COLGALT2: variants seen among roughly 807,000 people sequenced by gnomAD.
COLGALT2 encodes the protein collagen beta(1-O)galactosyltransferase 2, also known as procollagen galactosyltransferase 2.
COLGALT2 carries 49 observed loss-of-function variants against 73.4 expected under a neutral mutation model. The ratio of observed to expected loss-of-function variants is 0.67; its 90% CI spans 0.53 to 0.85. The LOEUF (loss-of-function observed/expected upper bound fraction) is 0.85. COLGALT2 is among the 40% of genes least tolerant of loss of function. The pLI is 0.00. For synonymous variants in COLGALT2, 295 were observed against 307.6 expected, an observed-to-expected ratio of 0.96 and a Z score of 0.43; for missense variants, 722 against 790.2, an observed-to-expected ratio of 0.91 and a Z score of 1.03.
At chr1:183,959,650 C>A (rs1670643755) in intron 6 of COLGALT2, among the ~76,000 whole-genome samples, 1 of 151,990 alleles carries the variant, frequency 6.6e-6, no homozygotes, top group African/African-American at 2.4e-5. Context: ...TGGTCCCCTA[C>A]AATCTAGTAT....
intron 11 of COLGALT2, among the ~76,000 whole-genome samples, chr1:183,930,574 T>C (rs36093268): frequency 0.23 from 30,976 of 135,926 alleles, 2,273 homozygotes; most frequent in Non-Finnish European, 0.26. Context: ...TTTTTCTTTT[T>C]TTTTTTTTTT....
In COLGALT2 at chr1:183,969,361, G is replaced by A; in HGVS notation, c.740C>T (p.Ala247Val). The change falls in exon 5 of 12, where the codon GCC becomes GTC. Residue 247 changes from alanine (A) to valine (V), a missense_variant. Physicochemically the swap from Ala to Val is moderately conservative, Grantham distance 64. Transcript: ENST00000361927. ...STFLIDLRKE[A>V]SDKLTFYPPH... is the part of the protein sequence containing the mutation. ...GGGGTAGAAAGTCAGCTTGTCCGAGGCCTCCTTCCTGAGGTCAATTAGGAA... is the reference window on the plus strand; with the variant it reads ...GGGGTAGAAAGTCAGCTTGTCCGAGACCTCCTTCCTGAGGTCAATTAGGAA... 6.2e-7 allele frequency: 1 copy of A among 1,613,954 alleles called. No homozygotes were observed.
At chr1:183,930,454 C>T (rs983789273) in intron 11 of COLGALT2, among the ~76,000 whole-genome samples, 18 of 152,112 alleles carry the variant, frequency 1.2e-4, no homozygotes, top group Admixed American at 1.1e-3. Flanking sequence ...AGTGGCGCAA[C>T]CTCAGCTCAC....
In COLGALT2 at chr1:183,937,205, G is replaced by C. The variant is rs1669979485; in HGVS notation, c.*1556C>G. The C allele has an allele frequency of 1.6e-5, 20 of 1,218,396 alleles. No individual in the cohort carries two copies. In the South Asian group the frequency reaches 7.3e-4, roughly 44 times the overall value. 75.5% of individuals were successfully genotyped at this position (1,218,396 alleles called of 1,614,324 possible). A position where few individuals can be genotyped will look rare whatever the true frequency, so the allele number is the denominator to read the frequency against. The stretch of plus-strand genomic sequence containing the variant: ...TTTAAGTGTGAAGCTCAGGGTTTGG[G>C]GTGTGCACGGCCCCCCATATGGCTG... On this transcript the variant is annotated 3_prime_UTR_variant, in exon 12 of 12. Transcript: ENST00000361927.
intron 5 of COLGALT2, among the ~76,000 whole-genome samples, 193 bp downstream of exon 5, chr1:183,969,076 G>A (rs1257839652): frequency 4.6e-5 from 7 of 152,012 alleles, no homozygotes; most frequent in African/African-American, 1.7e-4. Context: ...GTAGAGGCCA[G>A]CCCTGGCTCT....
Position 183,936,561 on chromosome 1 carries a change from AATC to A in COLGALT2, c.*2197_*2199del, listed in dbSNP as rs1669960042. 3.6e-6 allele frequency: 4 copies of A among 1,114,942 alleles called. No individual in the cohort carries two copies. Among genetic ancestry groups the A allele is most frequent in the Non-Finnish European group, 4.4e-6 (4 of 914,628 alleles). 69.1% of individuals were successfully genotyped at this position (1,114,942 alleles called of 1,614,324 possible). A position where few individuals can be genotyped will look rare whatever the true frequency, so the allele number is the denominator to read the frequency against. On this transcript the variant is annotated 3_prime_UTR_variant, in exon 12 of 12. Transcript: ENST00000361927. ...TCTCTATTAAACAAAACACCACAAAAATCAACCCAAACTTCCTTCAACCCCAGC... is the reference window on the plus strand; with the variant it reads ...TCTCTATTAAACAAAACACCACAAAAAACCCAAACTTCCTTCAACCCCAGC...
intron 1 of COLGALT2, among the ~76,000 whole-genome samples, chr1:184,036,823 A>G (rs1394783510): frequency 2.6e-5 from 4 of 152,334 alleles, no homozygotes; most frequent in South Asian, 2.1e-4. Flanking sequence ...CAAAGCCCCA[A>G]TTCGCAGGCT....
At chr1:183,955,167 G>A (rs1670519011) in intron 6 of COLGALT2, among the ~76,000 whole-genome samples, 1 of 152,212 alleles carries the variant, frequency 6.6e-6, no homozygotes, top group South Asian at 2.1e-4. Context: ...CTTGGTTTGC[G>A]AAGGAGTAGG....
intron 1 of COLGALT2, among the ~76,000 whole-genome samples, chr1:184,007,984 C>T (rs1345331382): frequency 2.0e-5 from 3 of 152,188 alleles, no homozygotes; most frequent in African/African-American, 7.2e-5. Context: ...AGAATGCTTC[C>T]TGCTAACTAA....
chr1:183,929,961 C>G, exon 12 of COLGALT2: 1 of 270,432 alleles, frequency 3.7e-6, no homozygotes, highest in Non-Finnish European at 7.4e-6. Flanking sequence ...CAGATCCAGG[C>G]AGCTTCCATC....
intron 1 of COLGALT2, among the ~76,000 whole-genome samples, chr1:184,005,053 A>G (rs1014175152): frequency 6.6e-6 from 1 of 152,254 alleles, no homozygotes; most frequent in Non-Finnish European, 1.5e-5. Context: ...AAACAGAGGC[A>G]TGATGGAATG....
chr1:184,021,207 C>T lies in COLGALT2; in HGVS notation c.263+15888G>A, dbSNP rs116111117. Among the ~76,000 whole-genome samples, 504 of 152,246 alleles carry T rather than the reference C, an allele frequency of 3.3e-3. 1 individual carries two copies. Among genetic ancestry groups the T allele is most frequent in the African/African-American group, 0.011 (465 of 41,536 alleles). Reference sequence around the variant, plus strand: ...GGTTCCAAAACCTTGTATTTTTATACACTACTTCAACATTTAAAGGACTTG... The same window carrying T: ...GGTTCCAAAACCTTGTATTTTTATATACTACTTCAACATTTAAAGGACTTG... On this transcript the variant is annotated intron_variant, in intron 1 of 11. Transcript: ENST00000361927.
chr1:184,015,207 G>T (rs960244818), intron 1 of COLGALT2, among the ~76,000 whole-genome samples: 1 of 152,186 alleles, frequency 6.6e-6, no homozygotes, highest in African/African-American at 2.4e-5. Flanking sequence ...TATCAAGAGG[G>T]TCTTAAAGAA....
At chr1:183,946,663 A>C (rs1373338820) in intron 8 of COLGALT2, 1 of 152,248 alleles carries the variant, frequency 6.6e-6, no homozygotes, top group Non-Finnish European at 1.5e-5. Flanking sequence ...TGGCAGAGCT[A>C]TGCTAATATT....
At chr1:183,979,205 C>G (rs1671284908) in intron 1 of COLGALT2, among the ~76,000 whole-genome samples, 1 of 152,020 alleles carries the variant, frequency 6.6e-6, no homozygotes, top group Non-Finnish European at 1.5e-5. Context: ...TGTAAAAGGG[C>G]CTAACTCATT....
intron 1 of COLGALT2, among the ~76,000 whole-genome samples, chr1:183,992,833 A>G (rs1671665744): frequency 1.3e-5 from 2 of 152,306 alleles, no homozygotes; most frequent in Non-Finnish European, 2.9e-5. Flanking sequence ...CCCCAGTTAT[A>G]TGGTTTTTGG....
intron 1 of COLGALT2, among the ~76,000 whole-genome samples, chr1:184,009,997 C>A (rs1333626959): frequency 2.6e-5 from 4 of 152,128 alleles, no homozygotes; most frequent in Non-Finnish European, 5.9e-5. Flanking sequence ...GCTGTAGATT[C>A]CTGGAGGTAC....
chr1:184,015,419 A>T (rs932532312), intron 1 of COLGALT2, among the ~76,000 whole-genome samples: 5 of 152,054 alleles, frequency 3.3e-5, no homozygotes, highest in African/African-American at 1.2e-4. Context: ...TCCTCAACCC[A>T]CTGTGCTTCT....
chr1:184,022,844 T>G (rs772744226), intron 1 of COLGALT2, among the ~76,000 whole-genome samples: 2 of 152,240 alleles, frequency 1.3e-5, no homozygotes, highest in Admixed American at 6.5e-5. Flanking sequence ...TTTTATGCTT[T>G]CATGCTTGAG....
Sources: allele counts gnomAD v4.1 joint callset (sites outside exome capture counted in the v4.1 genomes callset), GRCh38; gene constraint gnomAD v4.1.1; transcripts MANE v1.5; gene names NCBI Gene and HGNC (gene_info 2026-07-23, HGNC 2026-07-21).